The following PPFIBP2 variants were observed in gnomAD, a reference collection of about 807,000 sequenced individuals.
PPFIBP2 encodes the protein liprin-beta-2.
In PPFIBP2, 118 loss-of-function variants were observed where a neutral mutation model predicts 118.3. The observed-to-expected ratio is 1.00, with a 90% CI of 0.86 to 1.16. PPFIBP2 has a LOEUF of 1.16. Among genes scored for constraint, PPFIBP2 ranks in the 50% most tolerant of loss-of-function variants. PPFIBP2 has a pLI of 0.00. For synonymous variants in PPFIBP2, 414 were observed against 397.4 expected (o/e 1.04, Z -0.50); for missense variants, 1,195 against 1,073.1 (o/e 1.11, Z -1.59).
chr11:7,646,850 T>A (rs1485012818), intron 17 of PPFIBP2, among the ~76,000 whole-genome samples: 3 of 152,222 alleles, frequency 2.0e-5, no homozygotes, highest in Non-Finnish European at 2.9e-5. Flanking sequence ...AATGAAATAT[T>A]TCTAGATTTT....
rs184407899 is a variant in PPFIBP2 at position 7,569,938 on chromosome 11, G to C, written c.279+4171G>C. On this transcript the variant is annotated intron_variant, in intron 3 of 23. Coordinates refer to ENST00000299492, the MANE Select transcript of PPFIBP2 (RefSeq NM_003621.5). The stretch of plus-strand genomic sequence containing the variant: ...AGTTCAGGAGCCCCAGAACCCCACA[G>C]GTGGTCCTGAAGCCCAGAAAGGGAA... 2.8e-3 allele frequency among the ~76,000 whole-genome samples: 426 copies of C among 152,298 alleles called. 4 individuals carry two copies. The highest frequency in any genetic ancestry group is 9.8e-3 in the African/African-American group (406 of 41,554).
Position 7,648,307 on chromosome 11 carries a change from C to A in PPFIBP2, c.1647-80C>A, listed in dbSNP as rs1853426519. The A allele has an allele frequency of 4.2e-6, 6 of 1,440,670 alleles. No homozygotes were observed. In the South Asian group the frequency reaches 8.5e-5, roughly 20 times the overall value. 89.2% of individuals were successfully genotyped at this position (1,440,670 alleles called of 1,614,324 possible). On this transcript the variant is annotated intron_variant, in intron 17 of 23. Transcript: ENST00000299492. ...TTTGTTTTGTTTTTTCTTTTCTTTT[C>A]TTTTGTTTGTGAGACATGATTAGAT...
intron 4 of PPFIBP2, among the ~76,000 whole-genome samples, chr11:7,595,566 CAG>C (rs1326282952): frequency 6.6e-6 from 1 of 152,178 alleles, no homozygotes; most frequent in Non-Finnish European, 1.5e-5. Context: ...CCAGTAAAGT[CAG>C]AAGTTGACCC....
chr11:7,560,377 A>G (rs1854161890), intron 2 of PPFIBP2, among the ~76,000 whole-genome samples: 1 of 152,224 alleles, frequency 6.6e-6, no homozygotes, highest in African/African-American at 2.4e-5. Flanking sequence ...AATGAAAATT[A>G]ATATTGTCAA....
At chr11:7,661,771 C>T (rs28838581), downstream of PPFIBP2, among the ~76,000 whole-genome samples, 1,842 of 66,486 alleles carry the variant, frequency 0.028, 111 homozygotes, top group Middle Eastern at 0.086. Flanking sequence ...ATTATTAATG[C>T]GTGGGAGTCT....
chr11:7,601,155 T>A (rs12421042), intron 5 of PPFIBP2, among the ~76,000 whole-genome samples: 20,774 of 152,078 alleles, frequency 0.14, 2,763 homozygotes, highest in African/African-American at 0.34. Context: ...GGTGAGGAGT[T>A]AGTTCCTTAC....
intron 1 of PPFIBP2, among the ~76,000 whole-genome samples, chr11:7,528,733 G>A (rs1850431841): frequency 6.6e-6 from 1 of 152,170 alleles, no homozygotes; most frequent in Non-Finnish European, 1.5e-5. Flanking sequence ...AGTGGGTGCT[G>A]GGATACCTGC....
intron 1 of PPFIBP2, chr11:7,539,553 T>C (rs1297950762): frequency 6.6e-6 from 1 of 151,930 alleles, no homozygotes; most frequent in Non-Finnish European, 1.5e-5. Flanking sequence ...GACCTCTTTA[T>C]TTCCTTTCAT....
chr11:7,538,821 A>G (rs1351037416), intron 1 of PPFIBP2, among the ~76,000 whole-genome samples: 1 of 152,182 alleles, frequency 6.6e-6, no homozygotes, highest in Admixed American at 6.5e-5. Flanking sequence ...CAGCACTGCC[A>G]GCCTGTGTCT....
At chr11:7,545,584 C>T (rs537878991) in intron 1 of PPFIBP2, among the ~76,000 whole-genome samples, 2 of 152,298 alleles carry the variant, frequency 1.3e-5, no homozygotes, top group East Asian at 3.9e-4. Context: ...TCTGTAGATA[C>T]AGGAAACATC....
chr11:7,634,617 G>T (rs901350588), intron 13 of PPFIBP2, 65 bp downstream of exon 13: 1 of 1,271,314 alleles, frequency 7.9e-7, no homozygotes, highest in Non-Finnish European at 1.2e-6. Flanking sequence ...ATAGTACTGG[G>T]ATATACAGGC....
rs1427271664 is a variant in PPFIBP2, at chr11:7,639,857, C to T, written c.1362C>T (p.Ser454=). Residue 454 remains serine (S), a synonymous_variant, in exon 15 of 24, where the codon AGC becomes AGT. Transcript: ENST00000299492. ...TICQPDATGS[S]LLRLRDTESG... ...GCCAGCCTGACGCCACGGGGAGCAG[C>T]CTGCTGAGGCTGAGTGAGTGTCCAG... The T allele has an allele frequency of 1.2e-6, 2 of 1,614,020 alleles. No individual in the cohort carries two copies. The highest frequency in any genetic ancestry group is 1.7e-6 in the Non-Finnish European group (2 of 1,179,966).
At chr11:7,573,001 A>G (rs1414026665) in intron 3 of PPFIBP2, among the ~76,000 whole-genome samples, 1 of 152,138 alleles carries the variant, frequency 6.6e-6, no homozygotes, top group Non-Finnish European at 1.5e-5. Context: ...GCTGATCTTG[A>G]ACTCCTGACC....
At chr11:7,636,328 GAGAA>G (rs1003938868) in intron 14 of PPFIBP2, among the ~76,000 whole-genome samples, 2 of 152,086 alleles carry the variant, frequency 1.3e-5, no homozygotes, top group African/African-American at 4.8e-5. Context: ...ATCTGCGTAA[GAGAA>G]AGATCTTTTC....
At chr11:7,641,238 A>G (rs1157582046) in intron 15 of PPFIBP2, among the ~76,000 whole-genome samples, 1 of 152,224 alleles carries the variant, frequency 6.6e-6, no homozygotes, top group Non-Finnish European at 1.5e-5. Context: ...TTTGGACCCC[A>G]AATCCTTAAA....
chr11:7,620,734 T>C (rs1849248149), intron 6 of PPFIBP2, among the ~76,000 whole-genome samples: 2 of 152,190 alleles, frequency 1.3e-5, no homozygotes. Context: ...GTTTTCACTT[T>C]CTTATGTCTG....
intron 17 of PPFIBP2, 181 bp from the exon 18 acceptor site, chr11:7,648,206 C>A: frequency 1.6e-6 from 1 of 606,210 alleles, no homozygotes; most frequent in East Asian, 2.9e-5. Flanking sequence ...TAGGGTCTAC[C>A]TCCTATGAGT....
intron 3 of PPFIBP2, chr11:7,577,349 G>GTT (rs1447754040): frequency 1.2e-5 from 4 of 341,998 alleles, no homozygotes; most frequent in African/African-American, 2.2e-5. Context: ...GTGTGTGTGT[G>GTT]TGTTTGTTGG....
intron 1 of PPFIBP2, among the ~76,000 whole-genome samples, chr11:7,535,333 A>G (rs761361317): frequency 3.9e-5 from 6 of 152,232 alleles, no homozygotes; most frequent in Non-Finnish European, 5.9e-5. Context: ...AGGAAACAGC[A>G]TGACAAAGGC....
Sources: allele counts gnomAD v4.1 joint callset (sites outside exome capture counted in the v4.1 genomes callset), GRCh38; gene constraint gnomAD v4.1.1; transcripts MANE v1.5; gene names NCBI Gene and HGNC (gene_info 2026-07-23, HGNC 2026-07-21).